The following TRIQK variants were observed in gnomAD, a reference collection of about 807,000 sequenced individuals.
The protein encoded by TRIQK is triple QxxK/R motif-containing protein.
In TRIQK, 10 loss-of-function variants were observed where a neutral mutation model predicts 10.8. The ratio of observed to expected loss-of-function variants is 0.92; its 90% CI spans 0.57 to 1.57. TRIQK has a LOEUF of 1.57. Among genes scored for constraint, TRIQK ranks in the 40% most tolerant of loss-of-function variants. The pLI is 0.00. For synonymous variants in TRIQK, 33 were observed against 33.7 expected, an observed-to-expected ratio of 0.98 and a Z score of 0.07; for missense variants, 107 against 97.7, an observed-to-expected ratio of 1.09 and a Z score of -0.40.
rs372820187 is a variant in TRIQK at position 92,922,348 on chromosome 8, G to A, written c.-21-5338C>T. 8 of 151,860 alleles carry A rather than the reference G, an allele frequency of 5.3e-5. No individual in the cohort carries two copies. The East Asian group carries it at 1.2e-3, about 22-fold the overall frequency. The allele number at this position is 151,860 out of a possible 1,614,324, so 9.4% of individuals were successfully genotyped here. On this transcript the variant is annotated intron_variant, in intron 2 of 4. Transcript: ENST00000521988. ...GTTATTTTAATCTTAATTGTGTGTG[G>A]CTAGGGAAGATACCACTCCATTTTA...
intron 1 of TRIQK, among the ~76,000 whole-genome samples, chr8:93,004,809 T>C (rs1484254736): frequency 6.6e-6 from 1 of 152,216 alleles, no homozygotes; most frequent in Non-Finnish European, 1.5e-5. Flanking sequence ...ACCAGCCTCA[T>C]TGCTAAAGCA....
rs180836282 is a variant in TRIQK at position 92,920,895 on chromosome 8, G to A, written c.-21-3885C>T. On this transcript the variant is annotated intron_variant, in intron 2 of 4. Transcript: ENST00000521988. ...ACCCAAGGAAGGCAAACTCTATAGA[G>A]TTTATAACATCCACTTCACACATGA... Among the ~76,000 whole-genome samples, 15 of 151,818 alleles carry A rather than the reference G, an allele frequency of 9.9e-5. No homozygotes were observed. In the East Asian group the frequency reaches 2.9e-3, roughly 29 times the overall value.
intron 2 of TRIQK, among the ~76,000 whole-genome samples, chr8:92,934,186 G>A (rs1328475818): frequency 6.6e-6 from 1 of 152,000 alleles, no homozygotes; most frequent in Non-Finnish European, 1.5e-5. Flanking sequence ...GTAGGGAAAT[G>A]TACCAGACAA....
chr8:92,970,377 A>T (rs952657746), upstream of TRIQK, among the ~76,000 whole-genome samples: 6 of 152,194 alleles, frequency 3.9e-5, no homozygotes, highest in African/African-American at 1.4e-4. Flanking sequence ...GAATTGCCAC[A>T]CTGTCTTCCA....
At chr8:92,938,419 T>A (rs538724006) in intron 2 of TRIQK, among the ~76,000 whole-genome samples, 1 of 152,242 alleles carries the variant, frequency 6.6e-6, no homozygotes, top group South Asian at 2.1e-4. Context: ...CTTGCTACTT[T>A]TAATGATTTT....
chr8:92,888,719 T>C lies in TRIQK; in HGVS notation c.148-1984A>G, dbSNP rs1272333433. On this transcript the variant is annotated intron_variant, in intron 4 of 4. Transcript: ENST00000521988. Reference sequence around the variant, plus strand: ...AGAACAAAAAAGAACAAACATAACATTTCAAGCTGGCTCATCCCAAGGGGT... The same window carrying C: ...AGAACAAAAAAGAACAAACATAACACTTCAAGCTGGCTCATCCCAAGGGGT... Among the ~76,000 whole-genome samples the C allele has an allele frequency of 5.9e-5, 9 of 151,604 alleles. No individual in the cohort carries two copies. In the East Asian group the frequency reaches 1.7e-3, roughly 29 times the overall value.
chr8:92,934,728 T>C (rs1057368822), intron 2 of TRIQK, among the ~76,000 whole-genome samples: 3 of 151,950 alleles, frequency 2.0e-5, no homozygotes, highest in African/African-American at 7.2e-5. Context: ...TTCAAACAGA[T>C]TGTGGTATTA....
At chr8:92,962,991 T>C (rs1402796194) in intron 1 of TRIQK, among the ~76,000 whole-genome samples, 1 of 152,202 alleles carries the variant, frequency 6.6e-6, no homozygotes, top group Non-Finnish European at 1.5e-5. Context: ...GAAGTTGATA[T>C]GGCAGGCGCC....
chr8:92,992,497 C>T (rs1207553418), intron 1 of TRIQK, among the ~76,000 whole-genome samples: 1 of 152,232 alleles, frequency 6.6e-6, no homozygotes, highest in East Asian at 1.9e-4. Context: ...AGCCAAACTC[C>T]TGCACTGATT....
chr8:92,986,376 T>C (rs1435687089), intron 1 of TRIQK, among the ~76,000 whole-genome samples: 2 of 152,150 alleles, frequency 1.3e-5, no homozygotes, highest in African/African-American at 4.8e-5. Flanking sequence ...ATTTTTCTTC[T>C]ACAGACAAAA....
chr8:92,958,026 T>C (rs771146194), intron 1 of TRIQK, among the ~76,000 whole-genome samples: 12 of 151,922 alleles, frequency 7.9e-5, no homozygotes, highest in Admixed American at 1.3e-4. Flanking sequence ...ACCAATTTGA[T>C]CATGTTGCTC....
rs182983753 is a variant in TRIQK at position 92,896,152 on chromosome 8, C to A, written c.62-4078G>T. Among the ~76,000 whole-genome samples, 120 of 152,308 alleles carry A rather than the reference C, an allele frequency of 7.9e-4. 1 individual carries two copies. The Middle Eastern group carries it at 0.01, about 13-fold the overall frequency. On this transcript the variant is annotated intron_variant, in intron 3 of 4. Coordinates refer to ENST00000521988, the MANE Select transcript of TRIQK (RefSeq NM_001171797.2). Reference sequence around the variant, plus strand: ...TCCAGGGGACCTCTGTATTCACTGCCTGGAGTTGCCTTGGGACTCTGTTTC... The same window carrying A: ...TCCAGGGGACCTCTGTATTCACTGCATGGAGTTGCCTTGGGACTCTGTTTC...
At chr8:92,890,119 C>T (rs1189970223) in intron 4 of TRIQK, among the ~76,000 whole-genome samples, 1 of 151,624 alleles carries the variant, frequency 6.6e-6, no homozygotes, top group African/African-American at 2.4e-5. Context: ...CATTAAATGG[C>T]AATTGCTGAA....
chr8:92,922,784 G>A (rs910729714), intron 2 of TRIQK, among the ~76,000 whole-genome samples: 2 of 151,630 alleles, frequency 1.3e-5, no homozygotes, highest in African/African-American at 4.8e-5. Context: ...AATAATCACT[G>A]AATATAAAAG....
At chr8:92,905,350 C>T (rs572145800) in intron 3 of TRIQK, among the ~76,000 whole-genome samples, 1 of 152,226 alleles carries the variant, frequency 6.6e-6, no homozygotes, top group African/African-American at 2.4e-5. Context: ...AACATGATTT[C>T]ATTTATATAA....
chr8:92,930,523 A>G (rs762913890), intron 2 of TRIQK, among the ~76,000 whole-genome samples: 3 of 152,068 alleles, frequency 2.0e-5, no homozygotes, highest in East Asian at 1.9e-4. Context: ...AAAAGAACAA[A>G]CATCTACAAT....
At chr8:92,980,462 T>A (rs1418441538) in intron 1 of TRIQK, among the ~76,000 whole-genome samples, 1 of 152,028 alleles carries the variant, frequency 6.6e-6, no homozygotes, top group Non-Finnish European at 1.5e-5. Flanking sequence ...GGTAGCTTCA[T>A]CTCATTTTCT....
intron 1 of TRIQK, among the ~76,000 whole-genome samples, chr8:92,995,962 C>T (rs1360623305): frequency 6.6e-6 from 1 of 152,022 alleles, no homozygotes; most frequent in Non-Finnish European, 1.5e-5. Flanking sequence ...TAATTGGCTT[C>T]TTGTGAGAAA....
chr8:92,989,014 A>C (rs765190726), intron 1 of TRIQK, among the ~76,000 whole-genome samples: 7 of 152,212 alleles, frequency 4.6e-5, no homozygotes, highest in Non-Finnish European at 1.0e-4. Context: ...TAAGAAAATT[A>C]GTGGGTTACA....
Sources: gnomAD v4.1 joint callset for allele counts (sites outside exome capture counted in the v4.1 genomes callset) on GRCh38, gnomAD v4.1.1 for gene constraint, MANE v1.5 for transcripts, NCBI Gene and HGNC (gene_info 2026-07-23, HGNC 2026-07-21) for gene names.